Variants in CC2D2B observed in about 807,000 individuals in gnomAD.
The protein encoded by CC2D2B is coiled-coil and C2 domain containing 2B, also known as protein CC2D2B.
Under a neutral mutation model 161.2 loss-of-function variants are expected in CC2D2B, and 128 were observed. The ratio of observed to expected loss-of-function variants is 0.79; its 90% confidence interval spans 0.69 to 0.92. The LOEUF is 0.92. Among genes scored for constraint, CC2D2B ranks in the 40% least tolerant of loss-of-function variants. The pLI is 0.00. For missense variants in CC2D2B, 1,173 were observed against 1,375.1 expected, an observed-to-expected ratio of 0.85 and a Z score of 2.32; for synonymous variants, 391 against 449.8, an observed-to-expected ratio of 0.87 and a Z score of 1.65.
At chr10:95,983,570 A>G (rs1029393263) in intron 18 of CC2D2B, 36 bp from the exon 19 acceptor site, 3 of 1,060,742 alleles carry the variant, frequency 2.8e-6, no homozygotes, top group Non-Finnish European at 3.6e-6. Context: ...AATTAAAAAA[A>G]ATTAATATTT....
At chr10:95,969,864 G>A (rs1214324189) in intron 15 of CC2D2B, among the ~76,000 whole-genome samples, 7 of 152,104 alleles carry the variant, frequency 4.6e-5, no homozygotes, top group African/African-American at 7.2e-5. Flanking sequence ...ATAGGTAAAT[G>A]TGTATTTTGA....
intron 11 of CC2D2B, 184 bp from the exon 12 acceptor site, chr10:95,961,645 T>C (rs1482157501): frequency 2.6e-6 from 1 of 380,550 alleles, no homozygotes; most frequent in East Asian, 3.8e-5. Context: ...GGAACAAATT[T>C]CTAATGGAAT....
At chr10:95,916,496 AT>A (rs943455446) in intron 2 of CC2D2B, among the ~76,000 whole-genome samples, 12 of 150,804 alleles carry the variant, frequency 8.0e-5, no homozygotes, top group East Asian at 1.9e-4. Flanking sequence ...GGTTATTTTA[AT>A]TTTTTTTCTT....
In CC2D2B at chr10:95,938,004, G is replaced by A. The variant is rs774373777; in HGVS notation, c.350G>A (p.Arg117His). 6.3e-5 allele frequency: 97 copies of A among 1,546,470 alleles called. No homozygotes were observed. The highest frequency in any genetic ancestry group is 9.6e-5 in the African/African-American group (7 of 72,898). ...GKSSEQRPVN[R>H]SYPKCFSLGV... Reference sequence around the variant, plus strand: ...GGTATTCAACAGAGACCAGTAAACCGTAGTTATCCCAAATGCTTTTCACTT... The same window carrying A: ...GGTATTCAACAGAGACCAGTAAACCATAGTTATCCCAAATGCTTTTCACTT... Residue 117 changes from arginine to histidine, a missense_variant, in exon 7 of 35, where the codon CGT (arginine) becomes CAT (histidine). By Grantham distance (29) the Arg-to-His change is conservative. Around this residue, in one of 3 missense-constraint regions of CC2D2B, gnomAD observed 298 missense variants for 261.2 expected, o/e 1.14. Transcript: ENST00000646931.
At chr10:95,989,786 G>A (rs2077877436) in intron 20 of CC2D2B, among the ~76,000 whole-genome samples, 1 of 152,070 alleles carries the variant, frequency 6.6e-6, no homozygotes. Context: ...AAAACTACAG[G>A]TTTGAAAAAT....
At chr10:95,923,417 A>G (rs993173576) in intron 3 of CC2D2B, among the ~76,000 whole-genome samples, 9 of 152,208 alleles carry the variant, frequency 5.9e-5, no homozygotes, top group African/African-American at 2.2e-4. Context: ...TAGCTGGAAA[A>G]AGTAGGGGTC....
chr10:95,935,675 C>T (rs2075797105), intron 6 of CC2D2B, among the ~76,000 whole-genome samples: 1 of 152,132 alleles, frequency 6.6e-6, no homozygotes, highest in Admixed American at 6.5e-5. Flanking sequence ...AAGCTCCTGC[C>T]TCAGGGCCTT....
In CC2D2B at chr10:95,993,884, T is replaced by C. The variant is rs754865093; in HGVS notation, c.2642+1187T>C. 4.6e-5 allele frequency among the ~76,000 whole-genome samples: 4 copies of C among 87,204 alleles called. 1 individual carries two copies. The highest frequency in any genetic ancestry group is 9.2e-5 in the African/African-American group (2 of 21,778). 57.2% of individuals were successfully genotyped at this position (87,204 alleles called of 152,430 possible). On this transcript the variant is annotated intron_variant, in intron 22 of 34. Coordinates refer to ENST00000646931, the MANE Select transcript of CC2D2B (RefSeq NM_001349008.3). ...GAGAGAGAGAGAGTGTATATATATA[T>C]ATATAGAGAGAGAGAATGTGTGTGT...
chr10:96,012,280 G>A lies in CC2D2B; in HGVS notation c.3141G>A (p.Gln1047=). 1 of 714,120 alleles carries A rather than the reference G, an allele frequency of 1.4e-6. No individual in the cohort carries two copies. Among genetic ancestry groups the A allele is most frequent in the Non-Finnish European group, 2.6e-6 (1 of 384,394 alleles). The allele number at this position is 714,120 out of a possible 1,614,324, so 44.2% of individuals were successfully genotyped here. A position where few individuals can be genotyped will look rare whatever the true frequency, so the allele number is the denominator to read the frequency against. The change falls in exon 27 of 35, where the codon CAG becomes CAA. Residue 1047 remains glutamine, a synonymous_variant. Transcript: ENST00000646931. ...YVFPKEDSNE[Q]NLKECTFLNI... Reference sequence around the variant, plus strand: ...TTCCTAAAGAAGATTCCAATGAGCAGAATTTAAAAGAATGTACATTCTTAA... The same window carrying A: ...TTCCTAAAGAAGATTCCAATGAGCAAAATTTAAAAGAATGTACATTCTTAA...
intron 14 of CC2D2B, 89 bp from the exon 15 acceptor site, chr10:95,968,635 T>A: frequency 6.3e-6 from 3 of 474,350 alleles, no homozygotes; most frequent in Non-Finnish European, 1.0e-5. Flanking sequence ...TTATCTTCTG[T>A]TTAACATGCT....
intron 18 of CC2D2B, among the ~76,000 whole-genome samples, chr10:95,983,172 C>T (rs976521992): frequency 1.3e-5 from 2 of 152,210 alleles, no homozygotes; most frequent in Admixed American, 1.3e-4. Flanking sequence ...CTCGTGTGTA[C>T]TATGCACTCA....
chr10:95,935,553 G>A (rs766391468), intron 6 of CC2D2B, among the ~76,000 whole-genome samples: 1 of 151,442 alleles, frequency 6.6e-6, no homozygotes, highest in Non-Finnish European at 1.5e-5. Context: ...GTCCTTACAG[G>A]GGGGACCTGG....
chr10:95,989,719 A>G (rs2077875506), intron 20 of CC2D2B, among the ~76,000 whole-genome samples: 1 of 152,194 alleles, frequency 6.6e-6, no homozygotes, highest in African/African-American at 2.4e-5. Context: ...GCACTTTCCA[A>G]ACATTTTGTG....
chr10:95,955,930 G>T (rs1429898083), intron 11 of CC2D2B, among the ~76,000 whole-genome samples: 2 of 152,162 alleles, frequency 1.3e-5, no homozygotes, highest in Non-Finnish European at 2.9e-5. Flanking sequence ...TTATAGACTG[G>T]AAAGCGAAGT....
chr10:96,027,479 C>T, intron 34 of CC2D2B, 90 bp downstream of exon 34: 1 of 898,786 alleles, frequency 1.1e-6, no homozygotes, highest in Non-Finnish European at 1.6e-6. Flanking sequence ...TTCTGAAAGG[C>T]CTTTTATCTT....
At chr10:95,956,832 T>C (rs949368618) in intron 11 of CC2D2B, among the ~76,000 whole-genome samples, 4 of 152,230 alleles carry the variant, frequency 2.6e-5, no homozygotes, top group Admixed American at 2.6e-4. Flanking sequence ...ATGTAAATGC[T>C]ATGTACATAG....
At chr10:95,975,449 A>G (rs561346644) in intron 17 of CC2D2B, among the ~76,000 whole-genome samples, 2 of 152,158 alleles carry the variant, frequency 1.3e-5, no homozygotes, top group African/African-American at 4.8e-5. Flanking sequence ...GTTTGACAAT[A>G]AAAAAATGCT....
chr10:96,031,887 C>T lies in CC2D2B; in HGVS notation c.4193C>T (p.Thr1398Ile). The stretch of plus-strand genomic sequence containing the variant: ...TCAATTATTGATGCTGTTTATCAAA[C>T]TGGAATTCACTCTGCTGAATTTCCC... Reference protein sequence around the residue: ...VQSIIDAVYQTGIHSAEFPQT... With the variant: ...VQSIIDAVYQIGIHSAEFPQT... The change falls in exon 35 of 35, where the codon ACT becomes ATT. Residue 1398 changes from threonine to isoleucine, a missense_variant. This residue lies in a region of CC2D2B where 598 missense variants were observed against 693.2 expected (regional missense o/e 0.86). Coordinates refer to ENST00000646931, the MANE Select transcript of CC2D2B (RefSeq NM_001349008.3). 6.2e-7 allele frequency: 1 copy of T among 1,613,656 alleles called. No homozygotes were observed. Among genetic ancestry groups the T allele is most frequent in the South Asian group, 1.1e-5 (1 of 91,054 alleles).
At chr10:95,980,227 G>A (rs1381836309) in intron 17 of CC2D2B, among the ~76,000 whole-genome samples, 1 of 151,956 alleles carries the variant, frequency 6.6e-6, no homozygotes, top group Admixed American at 6.6e-5. Context: ...AGGAGGGAGG[G>A]AAAAATCTTC....
Sources: gnomAD v4.1 joint callset for allele counts (sites outside exome capture counted in the v4.1 genomes callset) on GRCh38, gnomAD v4.1.1 for gene constraint, gnomAD v4.1.1 regional missense constraint, MANE v1.5 for transcripts, NCBI Gene and HGNC (gene_info 2026-07-23, HGNC 2026-07-21) for gene names.